The following THSD7B variants were observed in gnomAD, a reference collection of about 807,000 sequenced individuals.
THSD7B encodes the protein thrombospondin type-1 domain-containing protein 7B.
THSD7B carries 138 observed loss-of-function variants against 213.6 expected under a neutral mutation model. The ratio of observed to expected loss-of-function variants is 0.65; its 90% CI spans 0.56 to 0.74. The LOEUF (loss-of-function observed/expected upper bound fraction) is 0.74. Among genes scored for constraint, THSD7B ranks in the 30% least tolerant of loss-of-function variants. The pLI is 0.00. For missense variants in THSD7B, 1,931 were observed against 1,991.5 expected, an observed-to-expected ratio of 0.97 and a Z score of 0.58; for synonymous variants, 742 against 687.0, an observed-to-expected ratio of 1.08 and a Z score of -1.25.
At position 137,230,955 on chromosome 2, in the gene THSD7B, G is replaced by T. The variant is rs188238830; in HGVS notation, c.1724-89G>T. 102 of 1,204,822 alleles carry T rather than the reference G, an allele frequency of 8.5e-5. No individual in the cohort carries two copies. In the Middle Eastern group the frequency reaches 1.2e-3, roughly 14 times the overall value. 74.6% of individuals were successfully genotyped at this position (1,204,822 alleles called of 1,614,324 possible). ...AATGGCTGAAGAAACTATCATTTTTGGGGGGGTACTTTAAACTGAAGTAAT... is the reference window on the plus strand; with the variant it reads ...AATGGCTGAAGAAACTATCATTTTTTGGGGGGTACTTTAAACTGAAGTAAT... On this transcript the variant is annotated intron_variant, in intron 7 of 27. Transcript: ENST00000409968.
At chr2:136,829,072 C>T (rs1682705642) in intron 1 of THSD7B, among the ~76,000 whole-genome samples, 1 of 151,962 alleles carries the variant, frequency 6.6e-6, no homozygotes. Context: ...TATGAGTCTT[C>T]CTTTGTTCTC....
At chr2:137,304,822 T>C (rs1683706323) in intron 12 of THSD7B, among the ~76,000 whole-genome samples, 1 of 152,120 alleles carries the variant, frequency 6.6e-6, no homozygotes, top group African/African-American at 2.4e-5. Flanking sequence ...TTAGCAACTG[T>C]GCCTCAAAAT....
At chr2:137,344,695 A>G (rs1684837296) in intron 12 of THSD7B, among the ~76,000 whole-genome samples, 1 of 151,632 alleles carries the variant, frequency 6.6e-6, no homozygotes. Context: ...CATAGAAATG[A>G]ACTCCTAAAA....
intron 17 of THSD7B, among the ~76,000 whole-genome samples, chr2:137,588,187 G>A (rs1573728300): frequency 6.6e-6 from 1 of 152,176 alleles, no homozygotes; most frequent in African/African-American, 2.4e-5. Flanking sequence ...TTGAAAAAGT[G>A]CAATATTAGG....
chr2:136,868,423 GA>G (rs1448371314), intron 1 of THSD7B, among the ~76,000 whole-genome samples: 1 of 152,158 alleles, frequency 6.6e-6, no homozygotes, highest in African/African-American at 2.4e-5. Flanking sequence ...GATAATGGAA[GA>G]GACTGCTAGA....
intron 27 of THSD7B, among the ~76,000 whole-genome samples, chr2:137,674,880 TTTTAA>T (rs1168018089): frequency 5.3e-5 from 8 of 152,138 alleles, no homozygotes; most frequent in African/African-American, 1.7e-4. Flanking sequence ...CCAAAACCAT[TTTTAA>T]TTTATTTCTT....
At chr2:137,339,080 A>G (rs188684692) in intron 12 of THSD7B, among the ~76,000 whole-genome samples, 18 of 152,204 alleles carry the variant, frequency 1.2e-4, no homozygotes, top group African/African-American at 3.9e-4. Flanking sequence ...TCTCTTAGAA[A>G]TTGTTGAAGA....
intron 2 of THSD7B, among the ~76,000 whole-genome samples, chr2:137,037,577 A>G (rs1300906679): frequency 6.6e-6 from 1 of 152,034 alleles, no homozygotes; most frequent in Non-Finnish European, 1.5e-5. Context: ...TCTTATTTTT[A>G]TTTCCCAACA....
chr2:136,954,264 T>C (rs1317470040), intron 2 of THSD7B, among the ~76,000 whole-genome samples: 4 of 152,142 alleles, frequency 2.6e-5, no homozygotes, highest in African/African-American at 4.8e-5. Context: ...GAAGGCTCCC[T>C]AAGGAGGTGA....
At chr2:137,355,815 G>A (rs1443198478) in intron 12 of THSD7B, among the ~76,000 whole-genome samples, 1 of 152,190 alleles carries the variant, frequency 6.6e-6, no homozygotes, top group Admixed American at 6.5e-5. Flanking sequence ...AAGTGGGAAT[G>A]GTCACAGAAG....
intron 1 of THSD7B, among the ~76,000 whole-genome samples, chr2:136,867,208 G>A (rs796546434): frequency 2.0e-5 from 3 of 152,300 alleles, no homozygotes; most frequent in African/African-American, 7.2e-5. Context: ...AGTGTCTCAA[G>A]TAAATAATTT....
intron 1 of THSD7B, among the ~76,000 whole-genome samples, chr2:136,870,812 T>G (rs916739780): frequency 1.4e-4 from 22 of 152,214 alleles, no homozygotes; most frequent in Admixed American, 1.1e-3. Flanking sequence ...TTAGATTTTA[T>G]CCTGTGATTG....
At chr2:137,188,650 A>G (rs1183432097) in intron 7 of THSD7B, among the ~76,000 whole-genome samples, 1 of 152,180 alleles carries the variant, frequency 6.6e-6, no homozygotes, top group South Asian at 2.1e-4. Context: ...TTATTTGTAA[A>G]GTACATACTG....
intron 15 of THSD7B, among the ~76,000 whole-genome samples, chr2:137,460,843 C>T (rs1376297895): frequency 3.3e-5 from 5 of 152,080 alleles, no homozygotes; most frequent in Admixed American, 3.3e-4. Context: ...CAGATGACCC[C>T]TCTGTTTCCT....
chr2:137,238,564 T>TTTTTTTAAG (rs1553481982), intron 9 of THSD7B, among the ~76,000 whole-genome samples: 1 of 83,422 alleles, frequency 1.2e-5, no homozygotes, highest in Non-Finnish European at 2.6e-5. Flanking sequence ...TTTTTTTTTT[T>TTTTTTTAAG]GAGACGGAGT....
At chr2:137,335,772 G>A (rs1684625304) in intron 12 of THSD7B, among the ~76,000 whole-genome samples, 1 of 152,184 alleles carries the variant, frequency 6.6e-6, no homozygotes, top group African/African-American at 2.4e-5. Context: ...TACCTGCACA[G>A]AGAATGGTGA....
chr2:136,899,685 T>G (rs1573698413), intron 2 of THSD7B, among the ~76,000 whole-genome samples: 1 of 152,232 alleles, frequency 6.6e-6, no homozygotes, highest in Non-Finnish European at 1.5e-5. Flanking sequence ...GAATTATACA[T>G]AACTGGGCAT....
intron 7 of THSD7B, among the ~76,000 whole-genome samples, chr2:137,200,041 C>G (rs1371049948): frequency 2.6e-5 from 4 of 152,090 alleles, no homozygotes; most frequent in Non-Finnish European, 2.9e-5. Flanking sequence ...GTAATTCCTT[C>G]TCAAGGAACG....
chr2:137,050,299 T>A (rs1364965704), intron 2 of THSD7B, among the ~76,000 whole-genome samples: 2 of 152,214 alleles, frequency 1.3e-5, no homozygotes, highest in African/African-American at 4.8e-5. Context: ...TCTGTCTCCG[T>A]GATGTTTGCA....
Sources: allele counts gnomAD v4.1 joint callset (sites outside exome capture counted in the v4.1 genomes callset), GRCh38; gene constraint gnomAD v4.1.1; transcripts MANE v1.5; gene names NCBI Gene and HGNC (gene_info 2026-07-23, HGNC 2026-07-21).